The following SIPA1L1 variants were observed in gnomAD, a reference collection of about 807,000 sequenced individuals.
SIPA1L1 encodes signal induced proliferation associated 1 like 1.
SIPA1L1 carries 26 observed loss-of-function variants against 162.7 expected under a neutral mutation model. That is an observed-to-expected ratio of 0.16 (90% CI 0.12 to 0.22). The LOEUF (loss-of-function observed/expected upper bound fraction) is 0.22. Ranked by LOEUF, SIPA1L1 falls within the 10% of genes least tolerant of loss-of-function variation. The pLI is 1.00. For missense variants in SIPA1L1, 1,874 were observed against 2,241.0 expected (o/e 0.84, Z 3.31); for synonymous variants, 829 against 837.4 (o/e 0.99, Z 0.17).
chr14:71,422,232 C>G (rs570840684), intron 2 of SIPA1L1, among the ~76,000 whole-genome samples: 4 of 152,314 alleles, frequency 2.6e-5, no homozygotes, highest in African/African-American at 9.6e-5. Flanking sequence ...ATAATTATCC[C>G]TATGGTAGTT....
At chr14:71,331,462 A>G (rs2034533841) in intron 2 of SIPA1L1, among the ~76,000 whole-genome samples, 2 of 152,252 alleles carry the variant, frequency 1.3e-5, no homozygotes, top group African/African-American at 4.8e-5. Context: ...GGCAGAACGT[A>G]TGAGGCTACC....
rs2040503211 is a variant in SIPA1L1 at position 71,388,424 on chromosome 14, G to T, written c.-465+67243G>T. Among the ~76,000 whole-genome samples the T allele has an allele frequency of 7.9e-5, 12 of 152,164 alleles. 1 individual carries two copies. The highest frequency in any genetic ancestry group is 7.9e-4 in the Admixed American group (12 of 15,280). On this transcript the variant is annotated intron_variant, in intron 2 of 23. Transcript: ENST00000381232. ...ATTATTATCTACTGTGTACATTAAG[G>T]ATTTAAGAGTGCATAGCTTCTACAC...
At chr14:71,673,213 C>T (rs1343824090) in intron 12 of SIPA1L1, among the ~76,000 whole-genome samples, 1 of 152,174 alleles carries the variant, frequency 6.6e-6, no homozygotes, top group Admixed American at 6.5e-5. Flanking sequence ...CCCTGCCCCA[C>T]CCAACCCCCC....
At chr14:71,438,893 A>G (rs946264574) in intron 2 of SIPA1L1, among the ~76,000 whole-genome samples, 11 of 151,984 alleles carry the variant, frequency 7.2e-5, no homozygotes, top group Non-Finnish European at 8.8e-5. Flanking sequence ...GCTGGTTACT[A>G]TGGGAATTGA....
chr14:71,577,921 C>A (rs746580807), intron 4 of SIPA1L1, among the ~76,000 whole-genome samples: 14 of 151,380 alleles, frequency 9.2e-5, no homozygotes, highest in Admixed American at 3.3e-4. Flanking sequence ...TTTATTTTTT[C>A]TTTCTCCGAT....
intron 13 of SIPA1L1, among the ~76,000 whole-genome samples, chr14:71,690,879 A>C (rs1234022325): frequency 1.3e-5 from 2 of 152,078 alleles, no homozygotes; most frequent in African/African-American, 4.8e-5. Context: ...CTGACTACCT[A>C]CTGAACATAT....
intron 17 of SIPA1L1, among the ~76,000 whole-genome samples, chr14:71,719,417 C>G (rs879407471): frequency 6.6e-6 from 1 of 152,198 alleles, no homozygotes; most frequent in Non-Finnish European, 1.5e-5. Flanking sequence ...TATGAGAGCT[C>G]TAGTGCTTCG....
chr14:71,667,213 C>T (rs938801121), intron 10 of SIPA1L1, among the ~76,000 whole-genome samples: 4 of 152,162 alleles, frequency 2.6e-5, no homozygotes, highest in Non-Finnish European at 5.9e-5. Flanking sequence ...CATGCTCTGC[C>T]CCTCCGCTCT....
chr14:71,510,559 T>C (rs565047060), intron 2 of SIPA1L1, among the ~76,000 whole-genome samples: 8 of 152,168 alleles, frequency 5.3e-5, no homozygotes, highest in Non-Finnish European at 1.0e-4. Flanking sequence ...GTGACATTGC[T>C]CATAAGATTA....
chr14:71,545,983 C>G (rs2055148593), intron 4 of SIPA1L1, among the ~76,000 whole-genome samples: 1 of 151,970 alleles, frequency 6.6e-6, no homozygotes, highest in Non-Finnish European at 1.5e-5. Flanking sequence ...GGCTGTAGTT[C>G]CAGGCTGTCG....
chr14:71,591,382 A>G (rs1291160833), intron 5 of SIPA1L1, among the ~76,000 whole-genome samples: 6 of 152,132 alleles, frequency 3.9e-5, no homozygotes, highest in African/African-American at 1.4e-4. Flanking sequence ...CATGTTCTTA[A>G]TCACTGTTCT....
chr14:71,609,408 A>G (rs543384190), intron 5 of SIPA1L1, among the ~76,000 whole-genome samples: 253 of 152,080 alleles, frequency 1.7e-3, no homozygotes, highest in Non-Finnish European at 2.6e-3. Flanking sequence ...GACTGGGACT[A>G]CAGGTGTGCA....
chr14:71,384,165 A>G (rs2040134145), intron 2 of SIPA1L1, among the ~76,000 whole-genome samples: 1 of 152,238 alleles, frequency 6.6e-6, no homozygotes, highest in South Asian at 2.1e-4. Flanking sequence ...TTATTGCTGA[A>G]TAAAGATCAG....
At chr14:71,422,032 A>G (rs1212576098) in intron 2 of SIPA1L1, among the ~76,000 whole-genome samples, 1 of 152,232 alleles carries the variant, frequency 6.6e-6, no homozygotes, top group African/African-American at 2.4e-5. Context: ...AGTCGTTAAA[A>G]TGGAGTATGA....
intron 17 of SIPA1L1, among the ~76,000 whole-genome samples, chr14:71,721,090 A>C (rs753548853): frequency 3.3e-5 from 5 of 152,148 alleles, no homozygotes; most frequent in Non-Finnish European, 7.3e-5. Context: ...GTCCTTCTGG[A>C]AAAGGCTTTC....
chr14:71,468,630 G>T (rs949165947), intron 2 of SIPA1L1, among the ~76,000 whole-genome samples: 1 of 152,172 alleles, frequency 6.6e-6, no homozygotes, highest in African/African-American at 2.4e-5. Context: ...CACTAGGCTG[G>T]AGTACTTGCT....
intron 10 of SIPA1L1, among the ~76,000 whole-genome samples, chr14:71,663,231 T>G (rs541361317): frequency 1.3e-5 from 2 of 152,356 alleles, no homozygotes; most frequent in South Asian, 4.1e-4. Flanking sequence ...CAACATGAAT[T>G]AACATGTGAT....
At chr14:71,367,937 CATT>C (rs2038500761) in intron 2 of SIPA1L1, among the ~76,000 whole-genome samples, 1 of 129,594 alleles carries the variant, frequency 7.7e-6, no homozygotes, top group Non-Finnish European at 1.6e-5. Flanking sequence ...TTAATTAAAA[CATT>C]AGTTAATTCT....
chr14:71,321,157 C>CGGCACCGGGAGGCCGGGCCGAGCGGT lies in SIPA1L1; in HGVS notation c.-488_-465+2dup, dbSNP rs1371802728. On this transcript the variant is annotated 5_prime_UTR_variant, in exon 2 of 24. Transcript: ENST00000381232. ...CGGCGGACGCGCCCGGGACGCGCGG[C>CGGCACCGGGAGGCCGGGCCGAGCGGT]GGCACCGGGAGGCCGGGCCGAGCGG... 2.6e-5 allele frequency: 4 copies of CGGCACCGGGAGGCCGGGCCGAGCGGT among 152,040 alleles called. No homozygotes were observed. The highest frequency in any genetic ancestry group is 4.4e-5 in the Non-Finnish European group (3 of 68,040). 9.4% of individuals were successfully genotyped at this position (152,040 alleles called of 1,614,324 possible).
Sources: allele counts gnomAD v4.1 joint callset (sites outside exome capture counted in the v4.1 genomes callset), GRCh38; gene constraint gnomAD v4.1.1; transcripts MANE v1.5; gene names NCBI Gene and HGNC (gene_info 2026-07-23, HGNC 2026-07-21).